The following PAN3 variants were observed in gnomAD, a reference collection of about 807,000 sequenced individuals.
PAN3 encodes poly(A) specific ribonuclease subunit PAN3.
PAN3 carries 19 observed loss-of-function variants against 96.2 expected under a neutral mutation model. The observed-to-expected ratio is 0.20, with a 90% CI of 0.14 to 0.29. PAN3 has a LOEUF of 0.29. Ranked by LOEUF, PAN3 falls within the 10% of genes least tolerant of loss-of-function variation. The probability of loss-of-function intolerance (pLI) is 1.00; values close to 1 mark genes in which losing one functional copy is unlikely to be tolerated. For missense variants in PAN3, 882 were observed against 1,108.1 expected, an observed-to-expected ratio of 0.80 and a Z score of 2.90; for synonymous variants, 433 against 406.6, an observed-to-expected ratio of 1.06 and a Z score of -0.78.
Position 28,138,615 on chromosome 13 carries a change from CGGCTCCTCG to C in PAN3, c.-39_-31del. 4 of 494,038 alleles carry C rather than the reference CGGCTCCTCG, an allele frequency of 8.1e-6. No homozygotes were observed. The highest frequency in any genetic ancestry group is 1.4e-5 in the Non-Finnish European group (4 of 290,472). The allele number at this position is 494,038 out of a possible 1,614,324, so 30.6% of individuals were successfully genotyped here. ...CCCCCGTCTATGGTGGTGGCGGCGG[CGGCTCCTCG>C]GGCGGCGGCGGAAGACGAGGCTGCG... is the stretch of plus-strand genomic sequence containing the variant. On this transcript the variant is annotated 5_prime_UTR_variant, in exon 1 of 19. Transcript: ENST00000380958.
Position 28,220,369 on chromosome 13 carries a change from T to TCTC in PAN3, c.991_992insCTC (p.Gly330_Leu331insSer), listed in dbSNP as rs750470718. On this transcript the variant is annotated inframe_insertion, in exon 6 of 19. Coordinates refer to ENST00000380958, the MANE Select transcript of PAN3 (RefSeq NM_175854.8). The stretch of plus-strand genomic sequence containing the variant: ...CATGGGAAGCCCTGCTACTGCTGGA[T>TCTC]TAGCGCCAGGTAAGTTGAGTAACTA... 1.2e-6 allele frequency: 2 copies of TCTC among 1,613,562 alleles called. No individual in the cohort carries two copies. The highest frequency in any genetic ancestry group is 4.5e-5 in the East Asian group (2 of 44,844).
At chr13:28,268,658 T>A (rs1377433878) in intron 12 of PAN3, among the ~76,000 whole-genome samples, 1 of 152,142 alleles carries the variant, frequency 6.6e-6, no homozygotes, top group East Asian at 1.9e-4. Flanking sequence ...CAGCATCACG[T>A]TATTATGCTT....
At chr13:28,164,997 T>C (rs972961398) in intron 1 of PAN3, among the ~76,000 whole-genome samples, 1 of 152,220 alleles carries the variant, frequency 6.6e-6, no homozygotes, top group Non-Finnish European at 1.5e-5. Context: ...AACCTCTGCC[T>C]CTCAGGTTCA....
At chr13:28,265,173 C>T (rs1886055705) in intron 9 of PAN3, among the ~76,000 whole-genome samples, 1 of 152,136 alleles carries the variant, frequency 6.6e-6, no homozygotes, top group African/African-American at 2.4e-5. Flanking sequence ...TAGGTAAATG[C>T]GCAAAAGTAA....
At chr13:28,207,978 A>T (rs919399914) in intron 5 of PAN3, among the ~76,000 whole-genome samples, 10 of 152,326 alleles carry the variant, frequency 6.6e-5, no homozygotes, top group African/African-American at 1.9e-4. Flanking sequence ...TATTCAAATA[A>T]TTAAATGGAT....
At chr13:28,146,312 CT>C in intron 1 of PAN3, among the ~76,000 whole-genome samples, 1 of 151,582 alleles carries the variant, frequency 6.6e-6, no homozygotes, top group African/African-American at 2.4e-5. Context: ...CTCTCTCTCT[CT>C]CTCTCTCTCT....
chr13:28,204,190 C>T (rs898749506), intron 5 of PAN3, among the ~76,000 whole-genome samples: 9 of 152,184 alleles, frequency 5.9e-5, no homozygotes, highest in Non-Finnish European at 1.2e-4. Context: ...TGAGACACCA[C>T]ATCAAAAACA....
At chr13:28,216,831 T>A (rs750289947) in intron 5 of PAN3, among the ~76,000 whole-genome samples, 14 of 144,394 alleles carry the variant, frequency 9.7e-5, no homozygotes, top group Non-Finnish European at 1.9e-4. Context: ...AAAAAAAAAA[T>A]TAGGCCAGGT....
At chr13:28,291,928 T>G (rs1256335154) in intron 18 of PAN3, among the ~76,000 whole-genome samples, 2 of 152,194 alleles carry the variant, frequency 1.3e-5, no homozygotes, top group African/African-American at 4.8e-5. Context: ...CACTTCTACT[T>G]TACTTTTTTG....
intron 6 of PAN3, among the ~76,000 whole-genome samples, chr13:28,224,317 C>T (rs558966192): frequency 6.6e-6 from 1 of 152,250 alleles, no homozygotes; most frequent in Admixed American, 6.5e-5. Context: ...TACAGTGTCA[C>T]AGTGTGTTTG....
Position 28,138,884 on chromosome 13 carries a change from C to A in PAN3, c.227C>A (p.Ala76Asp). The A allele has an allele frequency of 7.1e-7, 1 of 1,411,166 alleles. No individual in the cohort carries two copies. The highest frequency in any genetic ancestry group is 1.6e-5 in the South Asian group (1 of 61,814). The allele number at this position is 1,411,166 out of a possible 1,614,324, so 87.4% of individuals were successfully genotyped here. Residue 76 changes from alanine to aspartate, a missense_variant, in exon 1 of 19, where the codon GCC becomes GAC. Transcript: ENST00000380958. Reference sequence around the variant, plus strand: ...CATGAGGACCCTGCCGCCGGGGCTGCCCCGGGCCTCGGCCTCCATAGCAAC... The same window carrying A: ...CATGAGGACCCTGCCGCCGGGGCTGACCCGGGCCTCGGCCTCCATAGCAAC... ...FLHEDPAAGA[A>D]PGLGLHSNSV... is the part of the protein sequence containing the mutation.
At chr13:28,214,891 G>A (rs1880536680) in intron 5 of PAN3, 1 of 905,774 alleles carries the variant, frequency 1.1e-6, no homozygotes, top group Non-Finnish European at 1.8e-6. Flanking sequence ...ATTGAAGCTA[G>A]TAGCTCCAAG....
chr13:28,153,893 T>A (rs1871732231), intron 1 of PAN3, among the ~76,000 whole-genome samples: 1 of 152,242 alleles, frequency 6.6e-6, no homozygotes, highest in African/African-American at 2.4e-5. Flanking sequence ...TAAGCTGGTT[T>A]TAGAAATAAA....
intron 5 of PAN3, among the ~76,000 whole-genome samples, chr13:28,200,821 G>A (rs531278657): frequency 1.3e-4 from 20 of 152,202 alleles, no homozygotes; most frequent in African/African-American, 4.6e-4. Context: ...TGTAAAGTCC[G>A]CAGTCGGGAA....
At chr13:28,230,761 TTAA>T (rs1160301119) in intron 6 of PAN3, among the ~76,000 whole-genome samples, 1 of 147,556 alleles carries the variant, frequency 6.8e-6, no homozygotes, top group African/African-American at 2.6e-5. Context: ...ATTTTTGTAA[TTAA>T]TTTTCATAAG....
At chr13:28,250,116 C>T (rs1884580247) in intron 6 of PAN3, among the ~76,000 whole-genome samples, 3 of 151,368 alleles carry the variant, frequency 2.0e-5, no homozygotes, top group Admixed American at 6.6e-5. Flanking sequence ...TGTCTCTTTT[C>T]TGGTAGCTCT....
At chr13:28,166,035 A>T (rs955334433) in intron 1 of PAN3, among the ~76,000 whole-genome samples, 1 of 152,132 alleles carries the variant, frequency 6.6e-6, no homozygotes, top group Non-Finnish European at 1.5e-5. Context: ...CGATCCCTTA[A>T]ATCCTTGTCT....
intron 5 of PAN3, among the ~76,000 whole-genome samples, chr13:28,204,369 G>C (rs776427364): frequency 1.3e-5 from 2 of 152,112 alleles, no homozygotes; most frequent in Non-Finnish European, 2.9e-5. Context: ...CATTGCTTGG[G>C]CTTGAAATAT....
intron 4 of PAN3, among the ~76,000 whole-genome samples, chr13:28,191,066 G>A (rs1877196644): frequency 1.3e-5 from 2 of 152,184 alleles, no homozygotes; most frequent in South Asian, 4.1e-4. Flanking sequence ...GTGTTCATAA[G>A]GTTGGTCTAG....
Sources: allele counts gnomAD v4.1 joint callset (sites outside exome capture counted in the v4.1 genomes callset), GRCh38; gene constraint gnomAD v4.1.1; transcripts MANE v1.5; gene names NCBI Gene and HGNC (gene_info 2026-07-23, HGNC 2026-07-21).